Variants in RHNO1 observed in about 807,000 individuals in gnomAD.
The protein encoded by RHNO1 is RAD9-HUS1-RAD1 interacting nuclear orphan 1.
A neutral mutation model predicts 7.2 loss-of-function variants in RHNO1; 9 were observed. That is an observed-to-expected ratio of 1.25 (90% CI 0.75 to 2.18). The LOEUF is 2.18. Ranked by LOEUF, RHNO1 falls within the 30% of genes most tolerant of loss-of-function variation. The pLI is 0.00. For synonymous variants in RHNO1, 95 were observed against 107.5 expected (o/e 0.88, Z 0.72); for missense variants, 292 against 284.5 (o/e 1.03, Z -0.19).
intron 1 of RHNO1, among the ~76,000 whole-genome samples, chr12:2,877,615 A>C (rs2098149052): frequency 6.6e-6 from 1 of 152,002 alleles, no homozygotes; most frequent in African/African-American, 2.4e-5. Flanking sequence ...AGGGCTGCGT[A>C]TTATCTCCGC....
chr12:2,877,629 C>G (rs536057704), intron 1 of RHNO1, among the ~76,000 whole-genome samples: 13 of 152,308 alleles, frequency 8.5e-5, no homozygotes, highest in Admixed American at 2.0e-4. Context: ...TCTCCGCTTT[C>G]TTCCATCTTG....
In RHNO1 at chr12:2,887,892, C is replaced by CTTTT; in HGVS notation, c.169-7_169-4dup. The CTTTT allele has an allele frequency of 5.1e-6, 7 of 1,383,190 alleles. No homozygotes were observed. Among genetic ancestry groups the CTTTT allele is most frequent in the African/African-American group, 1.5e-5 (1 of 66,694 alleles). 85.7% of individuals were successfully genotyped at this position (1,383,190 alleles called of 1,614,324 possible). A position where few individuals can be genotyped will look rare whatever the true frequency, so the allele number is the denominator to read the frequency against. ...TTAGTACTTAGTTAGGCTCACCTCA[C>CTTTT]TTTTTTTTTTTTTTTAAGGTATCAC... On this transcript the variant is annotated intron_variant, in intron 2 of 2. Transcript: ENST00000489288.
chr12:2,879,894 G>C (rs1162947230), intron 1 of RHNO1, among the ~76,000 whole-genome samples: 1 of 152,030 alleles, frequency 6.6e-6, no homozygotes, highest in Non-Finnish European at 1.5e-5. Context: ...AAAGAAGATA[G>C]ATGTTGATAC....
At chr12:2,878,752 G>A (rs1377502488) in intron 1 of RHNO1, among the ~76,000 whole-genome samples, 2 of 151,818 alleles carry the variant, frequency 1.3e-5, no homozygotes, top group Non-Finnish European at 2.9e-5. Context: ...AAGAAAACAT[G>A]TTTAAGAGGT....
chr12:2,877,422 C>G (rs1412383841), intron 1 of RHNO1, 140 bp downstream of exon 1: 2 of 152,196 alleles, frequency 1.3e-5, no homozygotes, highest in African/African-American at 4.8e-5. Context: ...AGGCCCGGGT[C>G]CCTGGGCCCG....
At chr12:2,887,075 G>C (rs1603503310) in intron 2 of RHNO1, 1 of 432,980 alleles carries the variant, frequency 2.3e-6, no homozygotes, top group East Asian at 7.3e-5. Context: ...AGGTGTTGTG[G>C]CTTACGCCTG....
At chr12:2,883,103 G>A (rs1385014103) in intron 1 of RHNO1, among the ~76,000 whole-genome samples, 2 of 137,836 alleles carry the variant, frequency 1.5e-5, no homozygotes, top group Non-Finnish European at 3.1e-5. Context: ...AAAACCTGGG[G>A]TGTGGTGGCT....
At chr12:2,884,112 G>C (rs977599272) in intron 1 of RHNO1, among the ~76,000 whole-genome samples, 1 of 151,936 alleles carries the variant, frequency 6.6e-6, no homozygotes, top group Non-Finnish European at 1.5e-5. Context: ...CCAGGCTGGA[G>C]TGCAGTGGTG....
At position 2,888,534 on chromosome 12, in the gene RHNO1, G is replaced by A; in HGVS notation, c.*75G>A. 1.5e-6 allele frequency: 2 copies of A among 1,353,436 alleles called. No homozygotes were observed. The highest frequency in any genetic ancestry group is 9.8e-7 in the Non-Finnish European group (1 of 1,015,872). 83.8% of individuals were successfully genotyped at this position (1,353,436 alleles called of 1,614,324 possible). ...AAGGAATTCAATTCCTAGGGTTTTT[G>A]TTTTTGTTTTTGAGATGTAATATTG... On this transcript the variant is annotated 3_prime_UTR_variant, in exon 3 of 3. Transcript: ENST00000489288.
intron 2 of RHNO1, among the ~76,000 whole-genome samples, chr12:2,887,495 A>C (rs1271940488): frequency 4.6e-5 from 7 of 151,716 alleles, no homozygotes; most frequent in African/African-American, 1.7e-4. Flanking sequence ...AAAAAAAAAA[A>C]AAAAATACCT....
At chr12:2,887,304 C>A (rs2098166708) in intron 2 of RHNO1, among the ~76,000 whole-genome samples, 2 of 151,982 alleles carry the variant, frequency 1.3e-5, no homozygotes, top group African/African-American at 4.8e-5. Context: ...ATGGTAAAAT[C>A]CTGTCTCTAC....
At chr12:2,879,804 A>G (rs370600217) in intron 1 of RHNO1, among the ~76,000 whole-genome samples, 2 of 151,988 alleles carry the variant, frequency 1.3e-5, no homozygotes, top group East Asian at 3.8e-4. Context: ...AGAAAAGTAT[A>G]TAGAGTGAGA....
At chr12:2,882,446 C>A (rs554711595) in intron 1 of RHNO1, among the ~76,000 whole-genome samples, 32 of 152,036 alleles carry the variant, frequency 2.1e-4, no homozygotes, top group African/African-American at 7.7e-4. Context: ...CGCTTGTAAC[C>A]CCAGCACTTT....
rs2098168921 is a variant in RHNO1 at position 2,888,948 on chromosome 12, G to A, written c.*489G>A. The A allele has an allele frequency of 6.6e-6, 1 of 152,404 alleles. No individual in the cohort carries two copies. The highest frequency in any genetic ancestry group is 1.5e-5 in the Non-Finnish European group (1 of 68,234). 9.4% of individuals were successfully genotyped at this position (152,404 alleles called of 1,614,324 possible). On this transcript the variant is annotated 3_prime_UTR_variant, in exon 3 of 3. Coordinates refer to ENST00000489288, the MANE Select transcript of RHNO1 (RefSeq NM_001252499.3). ...CTCTTTAAAATGTATGTAAGTAAAT[G>A]GCTGCAGAAAGTTTTTTTAGAGAAT...
chr12:2,880,239 C>T (rs889157853), intron 1 of RHNO1, among the ~76,000 whole-genome samples: 2 of 152,066 alleles, frequency 1.3e-5, no homozygotes, highest in Admixed American at 6.5e-5. Context: ...TTTGAGGCTG[C>T]AGTGAGCTAT....
intron 2 of RHNO1, among the ~76,000 whole-genome samples, chr12:2,886,655 C>CAAA (rs11441422): frequency 1.1e-3 from 108 of 95,262 alleles, no homozygotes; most frequent in African/African-American, 3.2e-3. Flanking sequence ...GACCCTGTCT[C>CAAA]AAAAAAAAAA....
rs1555108313 is a variant in RHNO1 at position 2,883,075 on chromosome 12, A to AAAAAAAAAAAAC, written c.-84-2198_-84-2197insACAAAAAAAAAA. ...GAGCAAGGCCCTGTCTCAAAAAAAA[A>AAAAAAAAAAAAC]AAAAAAAAAACACATAGAAAACCTG... On this transcript the variant is annotated intron_variant, in intron 1 of 2. Transcript: ENST00000489288. 7.4e-4 allele frequency among the ~76,000 whole-genome samples: 99 copies of AAAAAAAAAAAAC among 134,496 alleles called. 3 individuals are homozygous for AAAAAAAAAAAAC. The highest frequency in any genetic ancestry group is 1.4e-3 in the South Asian group (6 of 4,348). 88.2% of individuals were successfully genotyped at this position (134,496 alleles called of 152,430 possible). A position where few individuals can be genotyped will look rare whatever the true frequency, so the allele number is the denominator to read the frequency against.
At chr12:2,881,388 C>G (rs964344118) in intron 1 of RHNO1, among the ~76,000 whole-genome samples, 1 of 151,974 alleles carries the variant, frequency 6.6e-6, no homozygotes, top group African/African-American at 2.4e-5. Flanking sequence ...AGGGCATGAG[C>G]CACTGCGCCC....
At chr12:2,884,605 C>T (rs986797784) in intron 1 of RHNO1, among the ~76,000 whole-genome samples, 11 of 149,798 alleles carry the variant, frequency 7.3e-5, no homozygotes, top group African/African-American at 2.2e-4. Context: ...TCAGGTGATC[C>T]GCCTGCCTCA....
Sources: allele counts gnomAD v4.1 joint callset (sites outside exome capture counted in the v4.1 genomes callset), GRCh38; gene constraint gnomAD v4.1.1; transcripts MANE v1.5; gene names NCBI Gene and HGNC (gene_info 2026-07-23, HGNC 2026-07-21).